Variants in CHST10 observed in about 807,000 individuals in gnomAD.
The protein encoded by CHST10 is HNK-1 sulfotransferase.
CHST10 carries 24 observed loss-of-function variants against 34.7 expected under a neutral mutation model. That is an observed-to-expected ratio of 0.69 (90% confidence interval 0.50 to 0.97). The LOEUF (loss-of-function observed/expected upper bound fraction) is 0.97. Among genes scored for constraint, CHST10 ranks in the 50% least tolerant of loss-of-function variants. The pLI is 0.00. For missense variants in CHST10, 402 were observed against 452.1 expected, an observed-to-expected ratio of 0.89 and a Z score of 1.00; for synonymous variants, 161 against 169.3, an observed-to-expected ratio of 0.95 and a Z score of 0.38.
chr2:100,403,128 A>G (rs1346992397), intron 3 of CHST10, among the ~76,000 whole-genome samples: 1 of 152,252 alleles, frequency 6.6e-6, no homozygotes, highest in East Asian at 1.9e-4. Flanking sequence ...GAAAATAGGT[A>G]CGATACACCC....
rs1286401241 is a variant in CHST10, at chr2:100,393,625, C to T, written c.691G>A (p.Glu231Lys). Residue 231 changes from glutamate (E) to lysine (K), a missense_variant, in exon 7 of 7, where the codon GAG becomes AAG. Transcript: ENST00000264249. ...TCTTCAAACTGGATCCCCCGGGTCT[C>T]TGTCCGGTTCCTCCTGTATTTTCTG... Reference protein sequence around the residue: ...IIRKYRRNRTETRGIQFEDFV... With the variant: ...IIRKYRRNRTKTRGIQFEDFV... 2 of 1,614,072 alleles carry T rather than the reference C, an allele frequency of 1.2e-6. No homozygotes were observed. The highest frequency in any genetic ancestry group is 2.7e-5 in the African/African-American group (2 of 74,922).
intron 2 of CHST10, among the ~76,000 whole-genome samples, chr2:100,411,540 A>G (rs368296221): frequency 3.5e-4 from 54 of 152,348 alleles, no homozygotes; most frequent in African/African-American, 1.3e-3. Context: ...ATATCTCTAC[A>G]GTTTACAAAA....
rs780925697 is a variant in CHST10 at position 100,393,236 on chromosome 2, T to A, written c.*9A>T. The A allele has an allele frequency of 2.5e-6, 4 of 1,613,326 alleles. No homozygotes were observed. The South Asian group carries it at 3.3e-5, about 13-fold the overall frequency. ...TAATAAAGATATTTGAATTCATAGGTCTTATGCATTAGTTTAGCAAAAAGT... is the reference window on the plus strand; with the variant it reads ...TAATAAAGATATTTGAATTCATAGGACTTATGCATTAGTTTAGCAAAAAGT... On this transcript the variant is annotated 3_prime_UTR_variant, in exon 7 of 7. Coordinates refer to ENST00000264249, the MANE Select transcript of CHST10 (RefSeq NM_004854.5).
chr2:100,396,958 T>A (rs73968397), intron 5 of CHST10, among the ~76,000 whole-genome samples: 2,324 of 152,258 alleles, frequency 0.015, 66 homozygotes, highest in African/African-American at 0.054. Context: ...GCACATTAAT[T>A]ATATGTGACA....
chr2:100,399,808 T>G (rs1675252680), intron 4 of CHST10, among the ~76,000 whole-genome samples: 2 of 152,206 alleles, frequency 1.3e-5, no homozygotes, highest in South Asian at 4.1e-4. Flanking sequence ...AAGAGCATCC[T>G]GGGGGCTACT....
chr2:100,409,030 T>C (rs1160565006), intron 2 of CHST10, among the ~76,000 whole-genome samples: 1 of 151,974 alleles, frequency 6.6e-6, no homozygotes, highest in Non-Finnish European at 1.5e-5. Context: ...ATCAGTGCTA[T>C]GAAAAAGGGA....
At position 100,403,731 on chromosome 2, in the gene CHST10, C is replaced by T. The variant is rs547304640; in HGVS notation, c.101-1076G>A. 5.3e-5 allele frequency among the ~76,000 whole-genome samples: 8 copies of T among 152,312 alleles called. No individual in the cohort carries two copies. In the South Asian group the frequency reaches 8.3e-4, roughly 16 times the overall value. On this transcript the variant is annotated intron_variant, in intron 3 of 6. Transcript: ENST00000264249. ...CTTTCCAGGAAATGGAACTCCCCACCGTGGACACTGCCGTGTCTGTTATTT... is the reference window on the plus strand; with the variant it reads ...CTTTCCAGGAAATGGAACTCCCCACTGTGGACACTGCCGTGTCTGTTATTT...
intron 2 of CHST10, among the ~76,000 whole-genome samples, chr2:100,409,080 C>T (rs1558644632): frequency 6.6e-6 from 1 of 152,290 alleles, no homozygotes; most frequent in Middle Eastern, 3.4e-3. Flanking sequence ...GCAGGTGACG[C>T]GCTGACTCTG....
chr2:100,407,861 C>T (rs1414755675), intron 2 of CHST10: 1 of 152,096 alleles, frequency 6.6e-6, no homozygotes, highest in Non-Finnish European at 1.5e-5. Flanking sequence ...TATAAGGCTT[C>T]GTGTGTTTCC....
rs371699053 is a variant in CHST10 at position 100,393,398 on chromosome 2, C to T, written c.918G>A (p.Pro306=). The part of the protein sequence containing the change: ...EAGIDHLVSY[P]TIPPGITVYN... ...ACACGGTAATGCCCGGAGGGATAGT[C>T]GGGTATGACACCAGGTGGTCAATGC... The change falls in exon 7 of 7, where the codon CCG becomes CCA. Residue 306 remains proline, a synonymous_variant. Transcript: ENST00000264249. The T allele has an allele frequency of 2.9e-5, 46 of 1,613,968 alleles. No individual in the cohort carries two copies. The highest frequency in any genetic ancestry group is 2.4e-4 in the African/African-American group (18 of 74,882).
chr2:100,417,435 C>A lies in CHST10; in HGVS notation c.-165G>T. 1 of 176,610 alleles carries A rather than the reference C, an allele frequency of 5.7e-6. No homozygotes were observed. Among genetic ancestry groups the A allele is most frequent in the South Asian group, 1.2e-4 (1 of 8,152 alleles). 10.9% of individuals were successfully genotyped at this position (176,610 alleles called of 1,614,324 possible). On this transcript the variant is annotated 5_prime_UTR_variant, in exon 1 of 7. Transcript: ENST00000264249. Reference sequence around the variant, plus strand: ...CTCCCCTGGCCCTGGGGGCGCCGCGCGGGTCGGGCTTCGCCGGGCCTGTGG... The same window carrying A: ...CTCCCCTGGCCCTGGGGGCGCCGCGAGGGTCGGGCTTCGCCGGGCCTGTGG...
chr2:100,413,588 T>C (rs1346002784), intron 2 of CHST10, among the ~76,000 whole-genome samples: 2 of 152,224 alleles, frequency 1.3e-5, no homozygotes, highest in Non-Finnish European at 2.9e-5. Flanking sequence ...GCACACATTG[T>C]ACATGTTTGT....
At chr2:100,411,116 C>CT (rs66495740) in intron 2 of CHST10, among the ~76,000 whole-genome samples, 4,580 of 129,044 alleles carry the variant, frequency 0.035, 194 homozygotes, top group African/African-American at 0.091. Context: ...AGCATTTTTT[C>CT]TTTTTTTTTT....
rs1405798419 is a variant in CHST10, at chr2:100,415,116, A to C, written c.-103-5T>G. 1.6e-6 allele frequency: 2 copies of C among 1,280,514 alleles called. No individual in the cohort carries two copies. The highest frequency in any genetic ancestry group is 2.2e-4 in the Middle Eastern group (1 of 4,644). 79.3% of individuals were successfully genotyped at this position (1,280,514 alleles called of 1,614,324 possible). A position where few individuals can be genotyped will look rare whatever the true frequency, so the allele number is the denominator to read the frequency against. On this transcript the variant is annotated splice_polypyrimidine_tract_variant and splice_region_variant and intron_variant, in intron 1 of 6. Transcript: ENST00000264249. ...GGTTCTTGGTTCCTCTTGTCACTGG[A>C]TAGGAAAATTAAAAAAAAAAAAGCA...
intron 4 of CHST10, among the ~76,000 whole-genome samples, chr2:100,400,449 AG>A (rs2104339504): frequency 6.6e-6 from 1 of 152,324 alleles, no homozygotes; most frequent in East Asian, 1.9e-4. Context: ...TATATTGCCC[AG>A]GCTGGTCTCA....
Position 100,395,651 on chromosome 2 carries a change from T to G in CHST10, c.428-37A>C, listed in dbSNP as rs762250243. On this transcript the variant is annotated intron_variant, in intron 5 of 6. Coordinates refer to ENST00000264249, the MANE Select transcript of CHST10 (RefSeq NM_004854.5). ...ACGGAAAGGAAGGCAGGTTGGCTGC[T>G]CCAGTACGCCCCTTAGAGAAGGGCA... The G allele has an allele frequency of 2.9e-5, 45 of 1,546,222 alleles. No homozygotes were observed. In the Middle Eastern group the frequency reaches 5.2e-4, roughly 18 times the overall value.
chr2:100,409,782 T>C (rs911918686), intron 2 of CHST10, among the ~76,000 whole-genome samples: 4 of 152,214 alleles, frequency 2.6e-5, no homozygotes, highest in South Asian at 2.1e-4. Context: ...CCATGTATCA[T>C]CCAATGTGTT....
At chr2:100,412,126 A>G (rs534685112) in intron 2 of CHST10, among the ~76,000 whole-genome samples, 69 of 152,342 alleles carry the variant, frequency 4.5e-4, no homozygotes, top group African/African-American at 1.5e-3. Flanking sequence ...TCAGCAGCAG[A>G]GTCAGAGGTA....
At chr2:100,401,448 C>T (rs76805765) in intron 4 of CHST10, among the ~76,000 whole-genome samples, 2,720 of 152,222 alleles carry the variant, frequency 0.018, 84 homozygotes, top group African/African-American at 0.063. Flanking sequence ...GAGGGAGCAC[C>T]AAGATGACCA....
Sources: allele counts gnomAD v4.1 joint callset (sites outside exome capture counted in the v4.1 genomes callset), GRCh38; gene constraint gnomAD v4.1.1; transcripts MANE v1.5; gene names NCBI Gene and HGNC (gene_info 2026-07-23, HGNC 2026-07-21).